HS6ST3: variants seen among roughly 807,000 people sequenced by gnomAD.
HS6ST3 encodes heparan-sulfate 6-O-sulfotransferase 3.
Under a neutral mutation model 36.7 loss-of-function variants are expected in HS6ST3, and 12 were observed. That is an observed-to-expected ratio of 0.33 (90% CI 0.21 to 0.53). The LOEUF is 0.53. HS6ST3 is among the 20% of genes least tolerant of loss of function. The pLI, the probability that HS6ST3 is intolerant of heterozygous loss-of-function variation, is 0.95. For missense variants in HS6ST3, 584 were observed against 640.9 expected, an observed-to-expected ratio of 0.91 and a Z score of 0.96; for synonymous variants, 240 against 257.5, an observed-to-expected ratio of 0.93 and a Z score of 0.65.
chr13:96,484,687 C>T (rs1329012022), intron 1 of HS6ST3, among the ~76,000 whole-genome samples: 1 of 152,104 alleles, frequency 6.6e-6, no homozygotes, highest in Non-Finnish European at 1.5e-5. Context: ...TTTCCTTTTT[C>T]TTAAGGCTAA....
At chr13:96,389,380 A>G (rs1341479262) in intron 1 of HS6ST3, among the ~76,000 whole-genome samples, 1 of 152,190 alleles carries the variant, frequency 6.6e-6, no homozygotes, top group African/African-American at 2.4e-5. Context: ...AATATGCACA[A>G]TAAAATTTAT....
rs141992548 is a variant in HS6ST3 at position 96,475,380 on chromosome 13, T to A, written c.708-357110T>A. On this transcript the variant is annotated intron_variant, in intron 1 of 1. Transcript: ENST00000376705. ...AAGCTATTAGAACAGGTTCCAGGAA[T>A]GCACATTTTCCTGAAGGCTTTGGGC... Among the ~76,000 whole-genome samples, 330 of 152,228 alleles carry A rather than the reference T, an allele frequency of 2.2e-3. 3 individuals are homozygous for A. Among genetic ancestry groups the A allele is most frequent in the South Asian group, 9.7e-3 (47 of 4,826 alleles).
intron 1 of HS6ST3, among the ~76,000 whole-genome samples, chr13:96,828,557 A>C (rs1443538352): frequency 2.0e-5 from 3 of 152,166 alleles, no homozygotes; most frequent in Non-Finnish European, 4.4e-5. Context: ...AAGTTCTATA[A>C]CTTACTACCA....
chr13:96,467,303 C>T (rs969052936), intron 1 of HS6ST3, among the ~76,000 whole-genome samples: 14 of 152,316 alleles, frequency 9.2e-5, no homozygotes, highest in African/African-American at 3.4e-4. Context: ...GAAGGCAGGA[C>T]TGTCATCTTA....
rs1491242538 is a variant in HS6ST3, at chr13:96,139,567, A to AAAAAT, written c.707+47998_707+47999insAAAAT. Reference sequence around the variant, plus strand: ...AAAAAAAAAAAAAAAAAAAAAAAAAATCCATGTATAAGTTAATTTGGTATA... The same window carrying AAAAAT: ...AAAAAAAAAAAAAAAAAAAAAAAAAAAAAATTCCATGTATAAGTTAATTTGGTATA... On this transcript the variant is annotated intron_variant, in intron 1 of 1. Coordinates refer to ENST00000376705, the MANE Select transcript of HS6ST3 (RefSeq NM_153456.4). Among the ~76,000 whole-genome samples the AAAAAT allele has an allele frequency of 9.2e-4, 127 of 138,750 alleles. 1 individual carries two copies. The highest frequency in any genetic ancestry group is 3.2e-3 in the African/African-American group (115 of 35,666). The allele number at this position is 138,750 out of a possible 152,430, so 91.0% of individuals were successfully genotyped here.
At chr13:96,706,413 T>TATATATATATATATATATATATA (rs1555319827) in intron 1 of HS6ST3, among the ~76,000 whole-genome samples, 1 of 121,058 alleles carries the variant, frequency 8.3e-6, no homozygotes, top group African/African-American at 3.5e-5. Context: ...AGAATATATT[T>TATATATATATATATATATATATA]TATATATATA....
chr13:96,145,577 C>T (rs1344528913), intron 1 of HS6ST3, among the ~76,000 whole-genome samples: 4 of 152,090 alleles, frequency 2.6e-5, no homozygotes, highest in African/African-American at 4.8e-5. Flanking sequence ...GAGTAGGTTG[C>T]AAAAATTTTC....
intron 1 of HS6ST3, among the ~76,000 whole-genome samples, chr13:96,431,316 G>A (rs1192936588): frequency 6.6e-6 from 1 of 151,954 alleles, no homozygotes; most frequent in Non-Finnish European, 1.5e-5. Flanking sequence ...CATGAAGAGA[G>A]GGAAAGGGCT....
chr13:96,223,770 T>C (rs16951727), intron 1 of HS6ST3, among the ~76,000 whole-genome samples: 7,971 of 152,176 alleles, frequency 0.052, 369 homozygotes, highest in African/African-American at 0.13. Flanking sequence ...AACATATATG[T>C]CACAATTTTT....
At chr13:96,471,695 C>A (rs998463926) in intron 1 of HS6ST3, among the ~76,000 whole-genome samples, 6 of 152,262 alleles carry the variant, frequency 3.9e-5, no homozygotes, top group African/African-American at 1.4e-4. Flanking sequence ...ATATATTATT[C>A]TTATCAAAAG....
At chr13:96,566,520 A>G (rs2056281960) in intron 1 of HS6ST3, among the ~76,000 whole-genome samples, 1 of 152,188 alleles carries the variant, frequency 6.6e-6, no homozygotes, top group Non-Finnish European at 1.5e-5. Flanking sequence ...CTATTAAAGG[A>G]TATTCTTCAG....
At chr13:96,709,104 T>A (rs561319954) in intron 1 of HS6ST3, among the ~76,000 whole-genome samples, 2 of 152,274 alleles carry the variant, frequency 1.3e-5, no homozygotes, top group South Asian at 4.1e-4. Flanking sequence ...CGCTGTCTTG[T>A]GATAGTGAGT....
intron 1 of HS6ST3, among the ~76,000 whole-genome samples, chr13:96,306,596 C>T (rs563022931): frequency 1.5e-4 from 23 of 152,222 alleles, no homozygotes; most frequent in African/African-American, 5.5e-4. Context: ...TGACAGTGCT[C>T]ATAAGTTCTT....
intron 1 of HS6ST3, among the ~76,000 whole-genome samples, chr13:96,805,388 A>G (rs1295127638): frequency 1.3e-5 from 2 of 152,192 alleles, no homozygotes; most frequent in East Asian, 3.9e-4. Context: ...CCCTTCTACC[A>G]TGATTTTAAG....
At chr13:96,145,879 C>T in intron 1 of HS6ST3, among the ~76,000 whole-genome samples, 1 of 152,146 alleles carries the variant, frequency 6.6e-6, no homozygotes, top group East Asian at 1.9e-4. Flanking sequence ...TATGGCTAGC[C>T]AGTTTCCCCA....
intron 1 of HS6ST3, among the ~76,000 whole-genome samples, chr13:96,190,264 T>C (rs2054282884): frequency 6.6e-6 from 1 of 152,222 alleles, no homozygotes; most frequent in Admixed American, 6.5e-5. Context: ...CTTTGCGTTC[T>C]TATTGGGTCT....
chr13:96,367,614 A>G (rs1317304831), intron 1 of HS6ST3, among the ~76,000 whole-genome samples: 5 of 152,344 alleles, frequency 3.3e-5, no homozygotes, highest in East Asian at 3.9e-4. Context: ...GATGTTAACA[A>G]TGATGGAAGT....
intron 1 of HS6ST3, among the ~76,000 whole-genome samples, chr13:96,698,026 CTTTTAT>C (rs1345843984): frequency 6.6e-6 from 1 of 151,792 alleles, no homozygotes; most frequent in Admixed American, 6.6e-5. Context: ...TGTTTTTATA[CTTTTAT>C]TTTTATTTAT....
intron 1 of HS6ST3, among the ~76,000 whole-genome samples, chr13:96,400,306 G>C (rs1320079067): frequency 8.3e-6 from 1 of 119,770 alleles, no homozygotes; most frequent in African/African-American, 3.0e-5. Flanking sequence ...CAGACACACA[G>C]ATACACACAC....
Sources: allele counts gnomAD v4.1 joint callset (sites outside exome capture counted in the v4.1 genomes callset), GRCh38; gene constraint gnomAD v4.1.1; transcripts MANE v1.5; gene names NCBI Gene and HGNC (gene_info 2026-07-23, HGNC 2026-07-21).